The following MACROD2 variants were observed in gnomAD, a reference collection of about 807,000 sequenced individuals.
MACROD2 encodes mono-ADP ribosylhydrolase 2, also known as ADP-ribose glycohydrolase MACROD2.
MACROD2 carries 36 observed loss-of-function variants against 70.4 expected under a neutral mutation model. The ratio of observed to expected loss-of-function variants is 0.51; its 90% CI spans 0.39 to 0.68. The LOEUF (loss-of-function observed/expected upper bound fraction) is 0.68, where lower values mean the gene tolerates loss of function less well. Ranked by LOEUF, MACROD2 falls within the 30% of genes least tolerant of loss-of-function variation. MACROD2 has a pLI of 0.00. For missense variants in MACROD2, 496 were observed against 538.4 expected, an observed-to-expected ratio of 0.92 and a Z score of 0.78; for synonymous variants, 172 against 178.8, an observed-to-expected ratio of 0.96 and a Z score of 0.30.
At chr20:14,161,816 G>A (rs1248950489) in intron 3 of MACROD2, among the ~76,000 whole-genome samples, 1 of 151,692 alleles carries the variant, frequency 6.6e-6, no homozygotes, top group Non-Finnish European at 1.5e-5. Context: ...GGATAGTCTC[G>A]ATCTCCTGAC....
At chr20:15,322,242 G>C (rs2423921) in intron 6 of MACROD2, among the ~76,000 whole-genome samples, 73,389 of 142,412 alleles carry the variant, frequency 0.52, 25,562 homozygotes, top group African/African-American at 0.77. Context: ...TCAACTCAAT[G>C]AAAGATGGCA....
At chr20:14,593,832 T>G (rs1981939167) in intron 4 of MACROD2, among the ~76,000 whole-genome samples, 1 of 152,212 alleles carries the variant, frequency 6.6e-6, no homozygotes, top group African/African-American at 2.4e-5. Context: ...TCATGTTGTT[T>G]TGAAAATTGT....
chr20:14,826,435 A>G (rs2072903718), intron 5 of MACROD2, among the ~76,000 whole-genome samples: 1 of 152,090 alleles, frequency 6.6e-6, no homozygotes, highest in East Asian at 1.9e-4. Flanking sequence ...TGTATTTTCA[A>G]TTTGTTTTAA....
chr20:15,321,055 G>C (rs1187322612), intron 6 of MACROD2, among the ~76,000 whole-genome samples: 1 of 152,224 alleles, frequency 6.6e-6, no homozygotes, highest in Non-Finnish European at 1.5e-5. Context: ...TTGTGGGTAA[G>C]TGAGAATCCC....
chr20:14,948,985 G>C (rs2074454960), intron 5 of MACROD2, among the ~76,000 whole-genome samples: 1 of 152,166 alleles, frequency 6.6e-6, no homozygotes, highest in South Asian at 2.1e-4. Context: ...AACTATTCAG[G>C]TGGGGAAGTG....
intron 8 of MACROD2, among the ~76,000 whole-genome samples, chr20:15,591,167 T>G (rs1481928210): frequency 6.6e-6 from 1 of 152,182 alleles, no homozygotes; most frequent in Non-Finnish European, 1.5e-5. Context: ...CTTTCTGGTA[T>G]TCTATCCCTG....
At chr20:15,353,394 A>T (rs2078249803) in intron 6 of MACROD2, among the ~76,000 whole-genome samples, 1 of 152,198 alleles carries the variant, frequency 6.6e-6, no homozygotes, top group Admixed American at 6.5e-5. Flanking sequence ...TAAAACCATA[A>T]AAACCCTGGA....
intron 8 of MACROD2, among the ~76,000 whole-genome samples, chr20:15,605,685 AC>A (rs2146697724): frequency 6.6e-6 from 1 of 152,256 alleles, no homozygotes; most frequent in East Asian, 1.9e-4. Context: ...TCTGGTGAAA[AC>A]TTGGTTCTAA....
intron 5 of MACROD2, among the ~76,000 whole-genome samples, chr20:14,789,876 T>C (rs1412255035): frequency 2.0e-5 from 3 of 152,008 alleles, no homozygotes; most frequent in African/African-American, 4.8e-5. Flanking sequence ...AATACTATGA[T>C]GAGAAATCAA....
intron 8 of MACROD2, among the ~76,000 whole-genome samples, chr20:15,595,992 G>T (rs1033570107): frequency 6.6e-6 from 1 of 152,140 alleles, no homozygotes; most frequent in Non-Finnish European, 1.5e-5. Context: ...CCAACTACCT[G>T]TAAGATAGGT....
At chr20:14,299,979 G>T (rs547707708) in intron 3 of MACROD2, among the ~76,000 whole-genome samples, 1 of 152,202 alleles carries the variant, frequency 6.6e-6, no homozygotes, top group Admixed American at 6.5e-5. Context: ...AATGTCACAT[G>T]CAGGTGCAAT....
At chr20:14,574,156 G>A (rs1204689769) in intron 4 of MACROD2, among the ~76,000 whole-genome samples, 2 of 152,170 alleles carry the variant, frequency 1.3e-5, no homozygotes, top group African/African-American at 4.8e-5. Context: ...TCTGTGAGCA[G>A]GAGACATTCC....
At chr20:14,319,481 C>T (rs1362693778) in intron 3 of MACROD2, among the ~76,000 whole-genome samples, 2 of 152,088 alleles carry the variant, frequency 1.3e-5, no homozygotes, top group Non-Finnish European at 2.9e-5. Flanking sequence ...CTTGTTCCTC[C>T]CCATGACCCA....
intron 9 of MACROD2, among the ~76,000 whole-genome samples, chr20:15,870,916 C>T (rs370471127): frequency 1.6e-4 from 25 of 152,188 alleles, no homozygotes; most frequent in African/African-American, 5.1e-4. Context: ...CAGTGGCTCA[C>T]GCCTGCAATC....
intron 3 of MACROD2, among the ~76,000 whole-genome samples, chr20:14,317,342 G>T (rs1043188754): frequency 6.6e-5 from 10 of 151,984 alleles, no homozygotes; most frequent in Non-Finnish European, 1.5e-4. Flanking sequence ...ATTCCTGGGT[G>T]GGCACGGTGA....
At chr20:14,298,353 A>G (rs1440540234) in intron 3 of MACROD2, among the ~76,000 whole-genome samples, 1 of 151,772 alleles carries the variant, frequency 6.6e-6, no homozygotes. Flanking sequence ...GGATCACCTG[A>G]GGTCAGGAGT....
chr20:15,478,827 G>T (rs1486663014), intron 7 of MACROD2, among the ~76,000 whole-genome samples: 1 of 152,192 alleles, frequency 6.6e-6, no homozygotes, highest in Non-Finnish European at 1.5e-5. Flanking sequence ...AGACTCTGGA[G>T]ATGCTATGTA....
rs189977377 is a variant in MACROD2, at chr20:15,531,474, G to C, written c.645+31627G>C. Among the ~76,000 whole-genome samples the C allele has an allele frequency of 6.2e-3, 939 of 152,118 alleles. 10 individuals carry two copies. Among genetic ancestry groups the C allele is most frequent in the East Asian group, 0.049 (255 of 5,180 alleles). ...GTGTCACCTCTAAGATTTAACGGCT[G>C]TTATATTGTAGGAAAATAAAAACTT... On this transcript the variant is annotated intron_variant, in intron 8 of 17. Transcript: ENST00000684519.
At chr20:14,918,632 T>TC (rs2074124100) in intron 5 of MACROD2, among the ~76,000 whole-genome samples, 3 of 149,044 alleles carry the variant, frequency 2.0e-5, no homozygotes, top group East Asian at 2.0e-4. Context: ...TTTTTTTTTT[T>TC]CTGGAGTTTA....
Sources: allele counts gnomAD v4.1 joint callset (sites outside exome capture counted in the v4.1 genomes callset), GRCh38; gene constraint gnomAD v4.1.1; transcripts MANE v1.5; gene names NCBI Gene and HGNC (gene_info 2026-07-23, HGNC 2026-07-21).